The following SLC17A8 variants were observed in gnomAD, a reference collection of about 807,000 sequenced individuals.
The protein encoded by SLC17A8 is solute carrier family 17 member 8, also known as vesicular glutamate transporter 3.
In SLC17A8, 31 loss-of-function variants were observed where a neutral mutation model predicts 58.0. That is an observed-to-expected ratio of 0.53 (90% confidence interval 0.40 to 0.72). SLC17A8 has a LOEUF of 0.72. Among genes scored for constraint, SLC17A8 ranks in the 30% least tolerant of loss-of-function variants. The pLI, the probability that SLC17A8 is intolerant of heterozygous loss-of-function variation, is 0.00. For missense variants in SLC17A8, 655 were observed against 727.8 expected, an observed-to-expected ratio of 0.90 and a Z score of 1.15; for synonymous variants, 228 against 249.0, an observed-to-expected ratio of 0.92 and a Z score of 0.79.
At position 100,398,969 on chromosome 12, in the gene SLC17A8, C is replaced by G. The variant is rs568510007; in HGVS notation, c.676+2552C>G. On this transcript the variant is annotated intron_variant, in intron 5 of 11. Transcript: ENST00000323346. ...GCCTTCTGCCATGATTGTGAGGCCTCCCCCGCCACGTGGAACTGTGAGTCC... is the reference window on the plus strand; with the variant it reads ...GCCTTCTGCCATGATTGTGAGGCCTGCCCCGCCACGTGGAACTGTGAGTCC... Among the ~76,000 whole-genome samples, 46 of 152,232 alleles carry G rather than the reference C, an allele frequency of 3.0e-4. No homozygotes were observed. The South Asian group carries it at 6.8e-3, about 23-fold the overall frequency.
At chr12:100,368,464 G>C (rs972827547) in intron 1 of SLC17A8, among the ~76,000 whole-genome samples, 1 of 152,112 alleles carries the variant, frequency 6.6e-6, no homozygotes, top group African/African-American at 2.4e-5. Context: ...TCCAAATAAG[G>C]CTACATTCAC....
chr12:100,402,473 T>C lies in SLC17A8; in HGVS notation c.897T>C (p.Ser299=). 1 of 1,614,040 alleles carries C rather than the reference T, an allele frequency of 6.2e-7. No individual in the cohort carries two copies. Among genetic ancestry groups the C allele is most frequent in the Non-Finnish European group, 8.5e-7 (1 of 1,180,010 alleles). ...TSIGEGANVV[S]LSKFSTPWKR... is the part of the protein sequence containing the mutation. ...TAGGAGAGGGGGCCAACGTGGTTAG[T>C]CTAAGTGTAAGTATAAAAAGTCAGA... The change falls in exon 7 of 12, where the codon AGT becomes AGC. Residue 299 remains serine (S), a synonymous_variant. Coordinates refer to ENST00000323346, the MANE Select transcript of SLC17A8 (RefSeq NM_139319.3).
chr12:100,383,652 A>G (rs968146748), intron 2 of SLC17A8, among the ~76,000 whole-genome samples: 1 of 152,214 alleles, frequency 6.6e-6, no homozygotes, highest in Non-Finnish European at 1.5e-5. Flanking sequence ...AGATCTTTCA[A>G]ATATGTGGCA....
intron 1 of SLC17A8, among the ~76,000 whole-genome samples, chr12:100,357,943 C>T (rs1174854715): frequency 6.6e-6 from 1 of 151,906 alleles, no homozygotes; most frequent in Non-Finnish European, 1.5e-5. Context: ...TAAAGTGGTT[C>T]CTGATTGTAT....
chr12:100,387,089 T>G (rs1213994197), intron 2 of SLC17A8, among the ~76,000 whole-genome samples: 2 of 152,240 alleles, frequency 1.3e-5, no homozygotes, highest in Non-Finnish European at 2.9e-5. Context: ...AATATCTTTT[T>G]GGATCATGAT....
chr12:100,412,722 G>C (rs774270480), intron 9 of SLC17A8, 48 bp from the exon 10 acceptor site: 1 of 1,207,468 alleles, frequency 8.3e-7, no homozygotes, highest in East Asian at 2.3e-5. Flanking sequence ...AACTTGGGTT[G>C]ACCGATATGA....
At position 100,412,813 on chromosome 12, in the gene SLC17A8, G is replaced by T; in HGVS notation, c.1230G>T (p.Ser410=). ...EATLLLVVGF[S]HTKGVAISFL... ...CCTTACTCCTGGTGGTTGGCTTTTCGCATACCAAAGGGGTGGCTATCTCCT... is the reference window on the plus strand; with the variant it reads ...CCTTACTCCTGGTGGTTGGCTTTTCTCATACCAAAGGGGTGGCTATCTCCT... The change falls in exon 10 of 12, where the codon TCG becomes TCT. Residue 410 remains serine (S), a synonymous_variant. Transcript: ENST00000323346. 2 of 1,614,020 alleles carry T rather than the reference G, an allele frequency of 1.2e-6. No individual in the cohort carries two copies. Among genetic ancestry groups the T allele is most frequent in the South Asian group, 2.2e-5 (2 of 91,080 alleles).
intron 1 of SLC17A8, among the ~76,000 whole-genome samples, chr12:100,364,376 G>C (rs77938863): frequency 0.037 from 5,591 of 152,274 alleles, 307 homozygotes; most frequent in African/African-American, 0.12. Context: ...CTGACCAAGA[G>C]ACTGGTTTGT....
intron 5 of SLC17A8, among the ~76,000 whole-genome samples, chr12:100,399,576 C>A (rs1952776823): frequency 1.3e-5 from 2 of 152,030 alleles, no homozygotes; most frequent in African/African-American, 4.8e-5. Context: ...GCACATCTTA[C>A]ATGGTGGCAG....
At chr12:100,405,028 C>T (rs922262982) in intron 9 of SLC17A8, among the ~76,000 whole-genome samples, 2 of 152,170 alleles carry the variant, frequency 1.3e-5, no homozygotes, top group African/African-American at 4.8e-5. Context: ...GGACGGATTG[C>T]GTATGCTCTG....
At chr12:100,417,925 G>A (rs1952917627) in intron 10 of SLC17A8, 104 bp from the exon 11 acceptor site, 2 of 1,466,034 alleles carry the variant, frequency 1.4e-6, no homozygotes, top group African/African-American at 1.4e-5. Context: ...ATATACTAGA[G>A]GAAACCAAAC....
intron 3 of SLC17A8, among the ~76,000 whole-genome samples, chr12:100,392,409 G>A (rs1952723175): frequency 6.6e-6 from 1 of 152,036 alleles, no homozygotes; most frequent in Non-Finnish European, 1.5e-5. Flanking sequence ...AGTATGGACT[G>A]GGTTGCAATA....
At position 100,420,288 on chromosome 12, in the gene SLC17A8, G is replaced by A. The variant is rs1952939812; in HGVS notation, c.*129G>A. The A allele has an allele frequency of 7.1e-6, 5 of 703,400 alleles. No homozygotes were observed. The Admixed American group carries it at 9.7e-5, about 14-fold the overall frequency. The allele number at this position is 703,400 out of a possible 1,614,324, so 43.6% of individuals were successfully genotyped here. On this transcript the variant is annotated 3_prime_UTR_variant, in exon 12 of 12. Transcript: ENST00000323346. ...GGGGAGAAGATCTAACCAGCAACAG[G>A]GAAAAGAGAAATATTATCTTTCAAT...
At chr12:100,418,695 A>G (rs1023006939) in intron 11 of SLC17A8, among the ~76,000 whole-genome samples, 4 of 150,888 alleles carry the variant, frequency 2.7e-5, no homozygotes, top group South Asian at 4.1e-4. Context: ...CACAGCCCAC[A>G]TGATTTCTTT....
rs1462490418 is a variant in SLC17A8, at chr12:100,419,975, C to T, written c.1586C>T (p.Ala529Val). ...GGAATCATTGACCAGGACGAATTAG[C>T]TGAGGAGATAGAACTCAACCATGAG... The part of the protein sequence containing the change: ...KCGIIDQDEL[A>V]EEIELNHESF... Residue 529 changes from alanine (A) to valine (V), a missense_variant, in exon 12 of 12, where the codon GCT becomes GTT. Transcript: ENST00000323346. 3 of 1,613,928 alleles carry T rather than the reference C, an allele frequency of 1.9e-6. No individual in the cohort carries two copies. Among genetic ancestry groups the T allele is most frequent in the African/African-American group, 1.3e-5 (1 of 74,898 alleles).
At chr12:100,416,948 T>C (rs1160568225) in intron 10 of SLC17A8, among the ~76,000 whole-genome samples, 3 of 152,222 alleles carry the variant, frequency 2.0e-5, no homozygotes, top group Non-Finnish European at 4.4e-5. Flanking sequence ...CATGCACCCC[T>C]GCAATATATT....
chr12:100,395,134 G>C (rs1023793142), intron 4 of SLC17A8, among the ~76,000 whole-genome samples: 1 of 151,838 alleles, frequency 6.6e-6, no homozygotes, highest in African/African-American at 2.4e-5. Context: ...TACACTGATA[G>C]TCTATGATAA....
intron 1 of SLC17A8, among the ~76,000 whole-genome samples, chr12:100,364,275 A>ATT (rs1952504315): frequency 6.6e-6 from 1 of 152,168 alleles, no homozygotes; most frequent in Admixed American, 6.5e-5. Flanking sequence ...TTGTAGTCTG[A>ATT]ATAGGCAAAC....
At chr12:100,413,730 C>G (rs938289385) in intron 10 of SLC17A8, among the ~76,000 whole-genome samples, 11 of 152,096 alleles carry the variant, frequency 7.2e-5, no homozygotes, top group Non-Finnish European at 1.5e-4. Context: ...AATCGCAGCA[C>G]TTTGGGAGAC....
Sources: allele counts gnomAD v4.1 joint callset (sites outside exome capture counted in the v4.1 genomes callset), GRCh38; gene constraint gnomAD v4.1.1; transcripts MANE v1.5; gene names NCBI Gene and HGNC (gene_info 2026-07-23, HGNC 2026-07-21).